GJA5: variants seen among roughly 807,000 people sequenced by gnomAD.
GJA5 encodes gap junction protein alpha 5, also known as gap junction alpha-5 protein.
Under a neutral mutation model 7.9 loss-of-function variants are expected in GJA5, and 3 were observed. That is an observed-to-expected ratio of 0.38 (90% CI 0.17 to 0.99). The LOEUF is 0.99. GJA5 is among the 50% of genes least tolerant of loss of function. The probability of loss-of-function intolerance (pLI) is 0.38; values close to 1 mark genes in which losing one functional copy is unlikely to be tolerated. For missense variants in GJA5, 390 were observed against 457.9 expected, an observed-to-expected ratio of 0.85 and a Z score of 1.35; for synonymous variants, 193 against 181.0, an observed-to-expected ratio of 1.07 and a Z score of -0.53.
At chr1:147,767,374 G>A (rs791294) in intron 1 of GJA5, among the ~76,000 whole-genome samples, 3,171 of 151,784 alleles carry the variant, frequency 0.021, 142 homozygotes, top group East Asian at 0.2. Flanking sequence ...ACAGCCTGAG[G>A]AAGTGGGGAC....
rs1219789465 is a variant in GJA5 at position 147,758,042 on chromosome 1, C to T, written c.*120G>A. On this transcript the variant is annotated 3_prime_UTR_variant, in exon 2 of 2. Transcript: ENST00000579774. ...ATTAATGAGCAACGTCATTGAGACC[C>T]GGGGCTCAAAGGAGCCAAGCAGTGA... The T allele has an allele frequency of 2.1e-5, 16 of 779,822 alleles. No homozygotes were observed. Among genetic ancestry groups the T allele is most frequent in the Non-Finnish European group, 3.4e-5 (15 of 443,078 alleles). 48.3% of individuals were successfully genotyped at this position (779,822 alleles called of 1,614,324 possible).
upstream of GJA5, among the ~76,000 whole-genome samples, chr1:147,763,341 G>C (rs139988775): frequency 9.2e-5 from 14 of 152,184 alleles, 1 homozygote; most frequent in Non-Finnish European, 1.3e-4. Flanking sequence ...ATTAACAGCA[G>C]ACATTAAATA....
intron 1 of GJA5, among the ~76,000 whole-genome samples, chr1:147,760,086 A>G (rs1038451157): frequency 6.6e-6 from 1 of 151,624 alleles, no homozygotes; most frequent in Non-Finnish European, 1.5e-5. Flanking sequence ...CTGGCTGGTA[A>G]GGCAATGTTG....
chr1:147,758,035 T>C lies in GJA5; in HGVS notation c.*127A>G. The C allele has an allele frequency of 6.6e-6, 5 of 757,744 alleles. No homozygotes were observed. Among genetic ancestry groups the C allele is most frequent in the South Asian group, 6.0e-5 (4 of 66,756 alleles). The allele number at this position is 757,744 out of a possible 1,614,324, so 46.9% of individuals were successfully genotyped here. Reference sequence around the variant, plus strand: ...TTCTAGAATTAATGAGCAACGTCATTGAGACCCGGGGCTCAAAGGAGCCAA... The same window carrying C: ...TTCTAGAATTAATGAGCAACGTCATCGAGACCCGGGGCTCAAAGGAGCCAA... On this transcript the variant is annotated 3_prime_UTR_variant, in exon 2 of 2. Transcript: ENST00000579774.
intron 1 of GJA5, among the ~76,000 whole-genome samples, chr1:147,768,543 C>A (rs1663048589): frequency 6.6e-6 from 1 of 152,156 alleles, no homozygotes; most frequent in African/African-American, 2.4e-5. Flanking sequence ...ATAATACCCA[C>A]ATTTCTTTAT....
At chr1:147,764,408 CA>C (rs2148962231), upstream of GJA5, among the ~76,000 whole-genome samples, 1 of 152,300 alleles carries the variant, frequency 6.6e-6, no homozygotes, top group East Asian at 1.9e-4. Context: ...ATTTGTCTAT[CA>C]GCCAACCTGC....
intron 1 of GJA5, among the ~76,000 whole-genome samples, chr1:147,766,153 A>G (rs587625340): frequency 6.6e-6 from 1 of 152,228 alleles, no homozygotes; most frequent in Admixed American, 6.5e-5. Flanking sequence ...TAGTTGCTCT[A>G]CAGGCCATGT....
upstream of GJA5, among the ~76,000 whole-genome samples, chr1:147,764,261 A>T (rs782698280): frequency 2.0e-5 from 3 of 152,080 alleles, no homozygotes; most frequent in Non-Finnish European, 4.4e-5. Flanking sequence ...TCTAAAATTG[A>T]CCTCAGCCCT....
Position 147,758,174 on chromosome 1 carries a change from G to A in GJA5, c.1065C>T (p.Asp355=), listed in dbSNP as rs201657244. Residue 355 remains aspartate, a synonymous_variant, in exon 2 of 2, where the codon GAC becomes GAT. Coordinates refer to ENST00000579774, the MANE Select transcript of GJA5 (RefSeq NM_181703.4). ...SKASSKARSD[D]LSV is the part of the protein sequence containing the mutation. ...CCATAAAGGAGGGTCACACTGATAGGTCATCTGACCTTGCCTTGCTGCTGG... is the reference window on the plus strand; with the variant it reads ...CCATAAAGGAGGGTCACACTGATAGATCATCTGACCTTGCCTTGCTGCTGG... 1.1e-5 allele frequency: 18 copies of A among 1,610,412 alleles called. No individual in the cohort carries two copies. The highest frequency in any genetic ancestry group is 3.3e-4 in the Middle Eastern group (2 of 6,056).
chr1:147,756,762 A>G lies in GJA5; in HGVS notation c.*1400T>C, dbSNP rs1321211668. 1 of 152,242 alleles carries G rather than the reference A, an allele frequency of 6.6e-6. No individual in the cohort carries two copies. Among genetic ancestry groups the G allele is most frequent in the Non-Finnish European group, 1.5e-5 (1 of 68,114 alleles). 9.4% of individuals were successfully genotyped at this position (152,242 alleles called of 1,614,324 possible). ...AATCCCTCTATAAGTCTCAGTTTCCAATTCCAAGCATCGTTTACCTTCATC... is the reference window on the plus strand; with the variant it reads ...AATCCCTCTATAAGTCTCAGTTTCCGATTCCAAGCATCGTTTACCTTCATC... On this transcript the variant is annotated 3_prime_UTR_variant, in exon 2 of 2. Coordinates refer to ENST00000579774, the MANE Select transcript of GJA5 (RefSeq NM_181703.4).
chr1:147,771,902 GAGC>G (rs1157748449), intron 1 of GJA5, among the ~76,000 whole-genome samples: 1 of 152,330 alleles, frequency 6.6e-6, no homozygotes, highest in Non-Finnish European at 1.5e-5. Flanking sequence ...TGTCCCTAGA[GAGC>G]AGTGAATCAA....
At chr1:147,760,356 T>A (rs909160964) in intron 1 of GJA5, 143 bp downstream of exon 1, 4 of 152,376 alleles carry the variant, frequency 2.6e-5, no homozygotes, top group African/African-American at 9.7e-5. Context: ...AATGCCCTCC[T>A]TCTGTACCCC....
At chr1:147,769,336 G>T (rs1553228676) in intron 1 of GJA5, among the ~76,000 whole-genome samples, 1 of 152,196 alleles carries the variant, frequency 6.6e-6, no homozygotes, top group African/African-American at 2.4e-5. Context: ...ATTAGGCGGA[G>T]GAACTTCCGG....
In GJA5 at chr1:147,758,678, C is replaced by T. The variant is rs781916071; in HGVS notation, c.561G>A (p.Arg187=). The T allele has an allele frequency of 6.2e-7, 1 of 1,614,160 alleles. No homozygotes were observed. The highest frequency in any genetic ancestry group is 1.1e-5 in the South Asian group (1 of 91,088). ...IFLTTLHVCR[R]SPCPHPVNCY... ...AGTTGACCGGGTGGGGACAGGGACT[C>T]CTGCGGCAGACATGCAGGGTGGTCA... Residue 187 remains arginine, a synonymous_variant, in exon 2 of 2, where the codon AGG becomes AGA. Coordinates refer to ENST00000579774, the MANE Select transcript of GJA5 (RefSeq NM_181703.4).
rs115732849 is a variant in GJA5 at position 147,769,076 on chromosome 1, C to T, written c.-34+4176G>A. On this transcript the variant is annotated intron_variant, in intron 1 of 1. Transcript: ENST00000430508. ...GCTTCTGCCTTACTGGCTGGCCATC[C>T]CTTACATATGCTGTTCCTAGAATTA... is the stretch of plus-strand genomic sequence containing the variant. 8.3e-3 allele frequency among the ~76,000 whole-genome samples: 1,262 copies of T among 152,354 alleles called. 4 individuals carry two copies. The highest frequency in any genetic ancestry group is 0.014 in the Non-Finnish European group (950 of 68,028).
In GJA5 at chr1:147,758,842, G is replaced by A; in HGVS notation, c.397C>T (p.Leu133=). The A allele has an allele frequency of 6.2e-7, 1 of 1,614,240 alleles. No individual in the cohort carries two copies. The highest frequency in any genetic ancestry group is 8.5e-7 in the Non-Finnish European group (1 of 1,180,042). The change falls in exon 2 of 2, where the codon CTG becomes TTG. Residue 133 remains leucine (L), a synonymous_variant. Transcript: ENST00000579774. The part of the protein sequence containing the change: ...YEYPVAEKAE[L]SCWEEGNGRI... ...CCATTCCCTTCCTCCCAGCAGGACAGTTCTGCCTTCTCTGCCACCGGGTAC... is the reference window on the plus strand; with the variant it reads ...CCATTCCCTTCCTCCCAGCAGGACAATTCTGCCTTCTCTGCCACCGGGTAC...
rs150906806 is a variant in GJA5, at chr1:147,759,040, C to T, written c.199G>A (p.Asp67Asn). ...ATGTGGGAGATGGGGAAAGCCTGGTCGTAGCAGACATTCTGGCAGCCAGGC... is the reference window on the plus strand; with the variant it reads ...ATGTGGGAGATGGGGAAAGCCTGGTTGTAGCAGACATTCTGGCAGCCAGGC... ...IQPGCQNVCY[D>N]QAFPISHIRY... The change falls in exon 2 of 2, where the codon GAC becomes AAC. Residue 67 changes from aspartate (D) to asparagine (N), a missense_variant. By Grantham distance (23) the Asp-to-Asn change is conservative. Coordinates refer to ENST00000579774, the MANE Select transcript of GJA5 (RefSeq NM_181703.4). 14 of 1,614,050 alleles carry T rather than the reference C, an allele frequency of 8.7e-6. No homozygotes were observed. The Admixed American group carries it at 1.5e-4, about 17-fold the overall frequency.
At chr1:147,772,261 CTATTA>C (rs1343390467) in intron 1 of GJA5, among the ~76,000 whole-genome samples, 1 of 152,140 alleles carries the variant, frequency 6.6e-6, no homozygotes, top group Non-Finnish European at 1.5e-5. Context: ...AGGAATCCCT[CTATTA>C]TAATGGAATA....
At position 147,758,249 on chromosome 1, in the gene GJA5, A is replaced by T. The variant is rs1553226759; in HGVS notation, c.990T>A (p.Gly330=). 1.9e-6 allele frequency: 3 copies of T among 1,614,096 alleles called. No individual in the cohort carries two copies. In the African/African-American group the frequency reaches 4.0e-5, roughly 22 times the overall value. The change falls in exon 2 of 2, where the codon GGT becomes GGA. Residue 330 remains glycine (G), a synonymous_variant. Coordinates refer to ENST00000579774, the MANE Select transcript of GJA5 (RefSeq NM_181703.4). ...TATGATAGCCATGGGGAAGGCGGTG[A>T]CCTGGTGAGACTCCATTGGGCACCT... ...KPEVPNGVSP[G]HRLPHGYHSD...
Sources: gnomAD v4.1 joint callset for allele counts (sites outside exome capture counted in the v4.1 genomes callset) on GRCh38, gnomAD v4.1.1 for gene constraint, MANE v1.5 for transcripts, NCBI Gene and HGNC (gene_info 2026-07-23, HGNC 2026-07-21) for gene names.